The following MGAT5 variants were observed in gnomAD, a reference collection of about 807,000 sequenced individuals.
The protein encoded by MGAT5 is alpha-1,6-mannosylglycoprotein 6-beta-N-acetylglucosaminyltransferase A.
In MGAT5, 30 loss-of-function variants were observed where a neutral mutation model predicts 94.3. That is an observed-to-expected ratio of 0.32 (90% CI 0.24 to 0.43). MGAT5 has a LOEUF of 0.43. Among genes scored for constraint, MGAT5 ranks in the 20% least tolerant of loss-of-function variants. The pLI is 1.00. For missense variants in MGAT5, 691 were observed against 905.5 expected, an observed-to-expected ratio of 0.76 and a Z score of 3.04; for synonymous variants, 310 against 322.9, an observed-to-expected ratio of 0.96 and a Z score of 0.43.
At chr2:134,344,861 C>A (rs967541871) in intron 7 of MGAT5, 69 bp from the exon 8 acceptor site, 4 of 1,564,584 alleles carry the variant, frequency 2.6e-6, no homozygotes, top group Non-Finnish European at 3.5e-6. Flanking sequence ...ATTAAAGTTG[C>A]CAAGTTTATT....
At chr2:134,428,947 T>C (rs6752984) in intron 14 of MGAT5, among the ~76,000 whole-genome samples, 14,629 of 152,238 alleles carry the variant, frequency 0.096, 746 homozygotes, top group Middle Eastern at 0.15. Flanking sequence ...TGCCAAGAGT[T>C]CCACCTTCCC....
chr2:134,246,351 C>T (rs1257191), intron 1 of MGAT5, among the ~76,000 whole-genome samples: 92,850 of 151,870 alleles, frequency 0.61, 30,675 homozygotes, highest in Non-Finnish European at 0.74. Flanking sequence ...TGAGTGGGCT[C>T]TATCAGGTTG....
At chr2:134,215,355 A>G (rs1558991131) in intron 1 of MGAT5, among the ~76,000 whole-genome samples, 2 of 152,140 alleles carry the variant, frequency 1.3e-5, no homozygotes, top group East Asian at 1.9e-4. Context: ...GCTTATAAAG[A>G]AAAGAGGTTT....
At chr2:134,132,222 G>A (rs1482421808) in intron 1 of MGAT5, among the ~76,000 whole-genome samples, 1 of 152,166 alleles carries the variant, frequency 6.6e-6, no homozygotes, top group Non-Finnish European at 1.5e-5. Flanking sequence ...CTTGGCCATT[G>A]TATCTGCCCC....
At chr2:134,239,435 G>A (rs1374667776) in intron 1 of MGAT5, among the ~76,000 whole-genome samples, 1 of 152,154 alleles carries the variant, frequency 6.6e-6, no homozygotes, top group Non-Finnish European at 1.5e-5. Context: ...TAGAACCAAA[G>A]GTTACCAGAG....
intron 1 of MGAT5, among the ~76,000 whole-genome samples, chr2:134,237,123 A>ATG (rs68003122): frequency 3.7e-3 from 516 of 140,718 alleles, no homozygotes; most frequent in Middle Eastern, 0.011. Flanking sequence ...GAAGGAGTAT[A>ATG]TGTGTGTGTG....
intron 1 of MGAT5, among the ~76,000 whole-genome samples, chr2:134,258,489 A>G (rs925919284): frequency 9.2e-5 from 14 of 152,226 alleles, no homozygotes; most frequent in Non-Finnish European, 1.8e-4. Flanking sequence ...TTTGCACTAT[A>G]GTGGCAGAGT....
rs1314274081 is a variant in MGAT5, at chr2:134,307,644, TC to T, written c.407-9881del. On this transcript the variant is annotated intron_variant, in intron 2 of 15. Transcript: ENST00000281923. ...GTATTTCTTACTACCCTACCCTGAG[TC>T]CCCTGCTTTAACCAAATTGTCCCGC... 2.6e-5 allele frequency among the ~76,000 whole-genome samples: 4 copies of T among 151,992 alleles called. No individual in the cohort carries two copies. In the East Asian group the frequency reaches 7.7e-4, roughly 29 times the overall value.
At chr2:134,296,475 A>T (rs929860976) in intron 2 of MGAT5, among the ~76,000 whole-genome samples, 1 of 151,964 alleles carries the variant, frequency 6.6e-6, no homozygotes, top group Non-Finnish European at 1.5e-5. Context: ...TTTGTAGCAT[A>T]TGACTAAACC....
At chr2:134,423,272 A>G (rs1341235486) in intron 13 of MGAT5, among the ~76,000 whole-genome samples, 1 of 152,244 alleles carries the variant, frequency 6.6e-6, no homozygotes, top group East Asian at 1.9e-4. Flanking sequence ...AAGAGGGAGA[A>G]GTGCAAGGAA....
upstream of MGAT5, among the ~76,000 whole-genome samples, chr2:134,253,477 T>C (rs75222982): frequency 0.055 from 8,419 of 152,230 alleles, 714 homozygotes; most frequent in African/African-American, 0.19. Flanking sequence ...TGCATTAATA[T>C]TGAAACTACT....
intron 1 of MGAT5, among the ~76,000 whole-genome samples, chr2:134,201,957 A>T (rs1001369462): frequency 1.3e-5 from 2 of 151,546 alleles, no homozygotes; most frequent in African/African-American, 4.9e-5. Flanking sequence ...ATGGTCACTA[A>T]ATTATTTTCC....
intron 4 of MGAT5, among the ~76,000 whole-genome samples, chr2:134,334,370 T>G (rs982097159): frequency 6.6e-6 from 1 of 152,076 alleles, no homozygotes; most frequent in African/African-American, 2.4e-5. Flanking sequence ...TTGATTTTCT[T>G]TAGTCTTGTT....
At chr2:134,423,834 G>C (rs1248107837) in intron 13 of MGAT5, among the ~76,000 whole-genome samples, 1 of 149,598 alleles carries the variant, frequency 6.7e-6, no homozygotes, top group East Asian at 2.0e-4. Flanking sequence ...CTTGTGTTTA[G>C]TGTTTAGTCA....
At chr2:134,358,608 T>C (rs1249109883) in intron 9 of MGAT5, among the ~76,000 whole-genome samples, 4 of 151,922 alleles carry the variant, frequency 2.6e-5, no homozygotes, top group Admixed American at 1.3e-4. Context: ...TGGGGTTTCT[T>C]CTCTTGGTGA....
In MGAT5 at chr2:134,452,940, A is replaced by C. The variant is rs1187056533; in HGVS notation, c.*4093A>C. ...CTGTGATTCTTGTTCGCTTCAACAA[A>C]AAGTGGGAGACCAAGTTTTTATAGC... On this transcript the variant is annotated 3_prime_UTR_variant, in exon 16 of 16. Transcript: ENST00000281923. 2 of 152,204 alleles carry C rather than the reference A, an allele frequency of 1.3e-5. No homozygotes were observed. Among genetic ancestry groups the C allele is most frequent in the African/African-American group, 4.8e-5 (2 of 41,448 alleles). 9.4% of individuals were successfully genotyped at this position (152,204 alleles called of 1,614,324 possible). A position where few individuals can be genotyped will look rare whatever the true frequency, so the allele number is the denominator to read the frequency against.
intron 1 of MGAT5, among the ~76,000 whole-genome samples, chr2:134,246,167 TAAAAAAA>T (rs11378452): frequency 1.5e-5 from 2 of 130,530 alleles, no homozygotes; most frequent in African/African-American, 5.6e-5. Context: ...TTCCTGTTTA[TAAAAAAA>T]AAAAAAAAAA....
intron 1 of MGAT5, among the ~76,000 whole-genome samples, chr2:134,205,573 C>T (rs181633727): frequency 4.6e-5 from 7 of 152,224 alleles, no homozygotes; most frequent in African/African-American, 7.2e-5. Flanking sequence ...GGCTCTCTTT[C>T]GGGCCTGCTA....
Position 134,402,477 on chromosome 2 carries a change from G to A in MGAT5, c.1381-511G>A, listed in dbSNP as rs993249759. 1.1e-4 allele frequency among the ~76,000 whole-genome samples: 16 copies of A among 152,254 alleles called. No individual in the cohort carries two copies. In the East Asian group the frequency reaches 1.7e-3, roughly 17 times the overall value. On this transcript the variant is annotated intron_variant, in intron 10 of 15. Coordinates refer to ENST00000281923, the MANE Select transcript of MGAT5 (RefSeq NM_002410.5). ...AGGTGGGATCCAGTTCTGACAACAT[G>A]AGTTAATCATCACTAGAAACATTGG...
Sources: allele counts gnomAD v4.1 joint callset (sites outside exome capture counted in the v4.1 genomes callset), GRCh38; gene constraint gnomAD v4.1.1; transcripts MANE v1.5; gene names NCBI Gene and HGNC (gene_info 2026-07-23, HGNC 2026-07-21).